The following SLC4A4 variants were observed in gnomAD, a reference collection of about 807,000 sequenced individuals.
SLC4A4 encodes solute carrier family 4 member 4, also known as electrogenic sodium bicarbonate cotransporter 1.
In SLC4A4, 27 loss-of-function variants were observed where a neutral mutation model predicts 111.5. The observed-to-expected ratio is 0.24, with a 90% CI of 0.18 to 0.33. SLC4A4 has a LOEUF of 0.33. SLC4A4 is among the 10% of genes least tolerant of loss of function. SLC4A4 has a pLI of 1.00. For missense variants in SLC4A4, 909 were observed against 1,315.5 expected, an observed-to-expected ratio of 0.69 and a Z score of 4.78; for synonymous variants, 443 against 463.4, an observed-to-expected ratio of 0.96 and a Z score of 0.57.
intron 1 of SLC4A4, chr4:71,236,097 G>A: frequency 9.9e-7 from 1 of 1,006,042 alleles, no homozygotes; most frequent in Non-Finnish European, 1.2e-6. Flanking sequence ...CTCTCTGCGT[G>A]TGGGTGGGTG....
chr4:71,342,910 C>T (rs1367176335), intron 4 of SLC4A4, among the ~76,000 whole-genome samples: 4 of 152,166 alleles, frequency 2.6e-5, no homozygotes, highest in Non-Finnish European at 5.9e-5. Flanking sequence ...AGACACCCTA[C>T]TGCTGGAGAG....
chr4:71,301,956 G>C (rs1292152789), intron 3 of SLC4A4, among the ~76,000 whole-genome samples: 1 of 152,184 alleles, frequency 6.6e-6, no homozygotes, highest in Non-Finnish European at 1.5e-5. Flanking sequence ...CTTTCTATAA[G>C]TCAAAAGTAA....
At chr4:71,145,446 A>G (rs1422734759) in intron 2 of SLC4A4, among the ~76,000 whole-genome samples, 1 of 152,252 alleles carries the variant, frequency 6.6e-6, no homozygotes, top group East Asian at 1.9e-4. Flanking sequence ...TGGTATCAGG[A>G]TGATGCTGAC....
chr4:71,240,567 A>G (rs1386843517), intron 2 of SLC4A4, among the ~76,000 whole-genome samples: 1 of 152,176 alleles, frequency 6.6e-6, no homozygotes, highest in Non-Finnish European at 1.5e-5. Flanking sequence ...TCCCAATGGA[A>G]GAATAATTCT....
rs61411324 is a variant in SLC4A4, at chr4:71,388,533, T to TATTATATTCATTCATTC, written c.731-9041_731-9040insATATTCATTCATTCATT. Among the ~76,000 whole-genome samples, 925 of 151,906 alleles carry TATTATATTCATTCATTC rather than the reference T, an allele frequency of 6.1e-3. 10 individuals are homozygous for TATTATATTCATTCATTC. Among genetic ancestry groups the TATTATATTCATTCATTC allele is most frequent in the African/African-American group, 0.019 (806 of 41,404 alleles). On this transcript the variant is annotated intron_variant, in intron 6 of 25. Coordinates refer to ENST00000264485, the MANE Select transcript of SLC4A4 (RefSeq NM_001098484.3). ...AGAAATGAAGCTACCTATTATATTA[T>TATTATATTCATTCATTC]ATTCATTCATTCATTCATTCATTCA...
At chr4:71,263,150 A>G (rs960114429) in intron 3 of SLC4A4, among the ~76,000 whole-genome samples, 1 of 149,190 alleles carries the variant, frequency 6.7e-6, no homozygotes, top group Non-Finnish European at 1.5e-5. Context: ...TCATTACTTA[A>G]AGTAATGAGT....
At chr4:71,194,598 T>A (rs984972193) in intron 1 of SLC4A4, among the ~76,000 whole-genome samples, 1 of 152,188 alleles carries the variant, frequency 6.6e-6, no homozygotes, top group South Asian at 2.1e-4. Context: ...ATAGTTCATA[T>A]TGAATTTATG....
At chr4:71,190,665 C>T (rs914997851) in intron 1 of SLC4A4, among the ~76,000 whole-genome samples, 1 of 152,124 alleles carries the variant, frequency 6.6e-6, no homozygotes, top group Non-Finnish European at 1.5e-5. Flanking sequence ...GTCATGTGCT[C>T]TAAAATTGTG....
intron 6 of SLC4A4, among the ~76,000 whole-genome samples, chr4:71,368,526 A>C (rs1230183305): frequency 6.6e-6 from 1 of 152,174 alleles, no homozygotes; most frequent in Non-Finnish European, 1.5e-5. Flanking sequence ...GAAAGTATGA[A>C]ATGTTGCTTT....
chr4:71,406,583 G>A lies in SLC4A4; in HGVS notation c.807+8930G>A, dbSNP rs149715744. Among the ~76,000 whole-genome samples the A allele has an allele frequency of 8.1e-4, 122 of 151,318 alleles. 1 individual carries two copies. Among genetic ancestry groups the A allele is most frequent in the Middle Eastern group, 3.5e-3 (1 of 286 alleles). ...CAGCAGAGCTTCCTGGTTTCTCCAT[G>A]TGTTACCCACCAATGGGCTGGTTTT... On this transcript the variant is annotated intron_variant, in intron 7 of 25. Coordinates refer to ENST00000264485, the MANE Select transcript of SLC4A4 (RefSeq NM_001098484.3).
intron 2 of SLC4A4, among the ~76,000 whole-genome samples, chr4:71,240,562 A>G (rs922847139): frequency 1.3e-5 from 2 of 152,168 alleles, no homozygotes; most frequent in African/African-American, 2.4e-5. Flanking sequence ...ATCTGTCCCA[A>G]TGGAAGAATA....
At chr4:71,220,356 A>G (rs532194030) in intron 1 of SLC4A4, among the ~76,000 whole-genome samples, 1 of 152,242 alleles carries the variant, frequency 6.6e-6, no homozygotes, top group East Asian at 1.9e-4. Flanking sequence ...TATAAACGTA[A>G]CTTTTATATG....
intron 15 of SLC4A4, among the ~76,000 whole-genome samples, chr4:71,487,804 A>G (rs1218089897): frequency 2.0e-5 from 3 of 151,570 alleles, no homozygotes; most frequent in Admixed American, 2.0e-4. Context: ...TTCAAAGATG[A>G]TGTTTTGTAT....
rs1254442603 is a variant in SLC4A4, at chr4:71,571,402, A to G, written c.*3651A>G. Reference sequence around the variant, plus strand: ...AAATGGCTGGGTACAATCAAGTGATATTTTGTAGCACCTCACTATCTGAAA... The same window carrying G: ...AAATGGCTGGGTACAATCAAGTGATGTTTTGTAGCACCTCACTATCTGAAA... On this transcript the variant is annotated 3_prime_UTR_variant, in exon 26 of 26. Transcript: ENST00000264485. The G allele has an allele frequency of 1.3e-5, 2 of 152,098 alleles. No homozygotes were observed. Among genetic ancestry groups the G allele is most frequent in the Non-Finnish European group, 2.9e-5 (2 of 67,876 alleles). 9.4% of individuals were successfully genotyped at this position (152,098 alleles called of 1,614,324 possible). A position where few individuals can be genotyped will look rare whatever the true frequency, so the allele number is the denominator to read the frequency against.
At chr4:71,118,627 G>T (rs1743336027) in intron 2 of SLC4A4, among the ~76,000 whole-genome samples, 1 of 151,586 alleles carries the variant, frequency 6.6e-6, no homozygotes, top group South Asian at 2.1e-4. Context: ...TTGCTTTTCT[G>T]GAAATATCTT....
At chr4:71,133,198 G>GTT in intron 2 of SLC4A4, among the ~76,000 whole-genome samples, 1 of 152,308 alleles carries the variant, frequency 6.6e-6, no homozygotes, top group East Asian at 1.9e-4. Flanking sequence ...GCCTTAGGTT[G>GTT]TTAACATGGG....
At position 71,470,678 on chromosome 4, in the gene SLC4A4, C is replaced by T. The variant is rs530957354; in HGVS notation, c.1632-2021C>T. 1.6e-4 allele frequency among the ~76,000 whole-genome samples: 24 copies of T among 151,998 alleles called. No homozygotes were observed. In the East Asian group the frequency reaches 2.3e-3, roughly 15 times the overall value. On this transcript the variant is annotated intron_variant, in intron 13 of 25. Coordinates refer to ENST00000264485, the MANE Select transcript of SLC4A4 (RefSeq NM_001098484.3). ...AACCCATAAAATGTGAGTGTGTGTG[C>T]AGATTTATTATAAAGAGTTGGCTCA... is the stretch of plus-strand genomic sequence containing the variant.
chr4:71,312,904 T>C (rs546922411), intron 3 of SLC4A4, among the ~76,000 whole-genome samples: 1 of 152,142 alleles, frequency 6.6e-6, no homozygotes, highest in Non-Finnish European at 1.5e-5. Flanking sequence ...TTCAACATAG[T>C]ATTGGAATTT....
chr4:71,500,934 T>C (rs1235033622), intron 16 of SLC4A4, among the ~76,000 whole-genome samples: 1 of 152,206 alleles, frequency 6.6e-6, no homozygotes, highest in East Asian at 1.9e-4. Flanking sequence ...GGTTTGGCTA[T>C]TTGGGGTCTT....
Sources: gnomAD v4.1 joint callset for allele counts (sites outside exome capture counted in the v4.1 genomes callset) on GRCh38, gnomAD v4.1.1 for gene constraint, MANE v1.5 for transcripts, NCBI Gene and HGNC (gene_info 2026-07-23, HGNC 2026-07-21) for gene names.